INPP4B: variants seen among roughly 807,000 people sequenced by gnomAD.
INPP4B encodes inositol polyphosphate 4-phosphatase type II.
In INPP4B, 55 loss-of-function variants were observed where a neutral mutation model predicts 122.5. The observed-to-expected ratio is 0.45, with a 90% CI of 0.36 to 0.56. INPP4B has a LOEUF of 0.56. INPP4B is among the 20% of genes least tolerant of loss of function. The probability of loss-of-function intolerance (pLI) is 0.00; values close to 1 mark genes in which losing one functional copy is unlikely to be tolerated. For missense variants in INPP4B, 1,000 were observed against 1,097.7 expected (o/e 0.91, Z 1.26); for synonymous variants, 403 against 388.7 (o/e 1.04, Z -0.43).
intron 7 of INPP4B, among the ~76,000 whole-genome samples, chr4:142,345,446 T>C (rs1779992922): frequency 6.6e-6 from 1 of 152,050 alleles, no homozygotes; most frequent in East Asian, 1.9e-4. Context: ...AAGAAATGTG[T>C]ATACCATGCA....
At chr4:142,144,560 T>C (rs927199040) in intron 18 of INPP4B, among the ~76,000 whole-genome samples, 4 of 152,086 alleles carry the variant, frequency 2.6e-5, no homozygotes, top group Admixed American at 2.0e-4. Flanking sequence ...TTTTGATTCA[T>C]GTAAAGTTAT....
chr4:142,372,767 T>G (rs894936885), intron 7 of INPP4B, among the ~76,000 whole-genome samples: 4 of 152,010 alleles, frequency 2.6e-5, no homozygotes, highest in Non-Finnish European at 4.4e-5. Context: ...TCCATTTCCA[T>G]CATCAGCTGA....
At chr4:142,305,377 G>T in intron 9 of INPP4B, 81 bp downstream of exon 9, 3 of 1,051,718 alleles carry the variant, frequency 2.9e-6, no homozygotes, top group Non-Finnish European at 4.3e-6. Flanking sequence ...TGCAAGAATT[G>T]TGACTTTCAA....
intron 8 of INPP4B, among the ~76,000 whole-genome samples, chr4:142,312,783 A>T (rs1335422485): frequency 6.6e-6 from 1 of 152,150 alleles, no homozygotes; most frequent in Non-Finnish European, 1.5e-5. Context: ...CAATTATGCT[A>T]TGGAGAGAAC....
chr4:142,062,680 G>A (rs1761615333), intron 25 of INPP4B, among the ~76,000 whole-genome samples: 1 of 152,092 alleles, frequency 6.6e-6, no homozygotes, highest in Non-Finnish European at 1.5e-5. Flanking sequence ...AGGTTGCAGT[G>A]AGCCAAGATG....
chr4:142,306,454 G>A (rs1425315684), intron 8 of INPP4B, among the ~76,000 whole-genome samples: 2 of 152,092 alleles, frequency 1.3e-5, no homozygotes, highest in South Asian at 4.1e-4. Flanking sequence ...ATAAGTCAAT[G>A]CTACTTCTTC....
chr4:142,692,336 T>C (rs756963971), intron 2 of INPP4B, among the ~76,000 whole-genome samples: 8 of 152,212 alleles, frequency 5.3e-5, no homozygotes, highest in Non-Finnish European at 1.2e-4. Flanking sequence ...ATCCTTTCAA[T>C]GTTTAATAAT....
chr4:142,495,142 CAT>C (rs1465073541), intron 2 of INPP4B, among the ~76,000 whole-genome samples: 1 of 152,034 alleles, frequency 6.6e-6, no homozygotes, highest in East Asian at 1.9e-4. Context: ...TTAATTAATA[CAT>C]ATGTTAGTTA....
intron 25 of INPP4B, among the ~76,000 whole-genome samples, chr4:142,066,354 TA>T (rs979786470): frequency 6.6e-6 from 1 of 152,156 alleles, no homozygotes; most frequent in African/African-American, 2.4e-5. Flanking sequence ...AAAAAGATGT[TA>T]AAAATGTAAC....
intron 2 of INPP4B, among the ~76,000 whole-genome samples, chr4:142,630,741 A>G (rs890332359): frequency 2.6e-5 from 4 of 152,140 alleles, no homozygotes; most frequent in Non-Finnish European, 4.4e-5. Context: ...AGCAATTTAT[A>G]TAGCCTCACA....
intron 2 of INPP4B, among the ~76,000 whole-genome samples, chr4:142,588,707 A>G (rs1288295338): frequency 6.6e-6 from 1 of 151,740 alleles, no homozygotes; most frequent in East Asian, 1.9e-4. Context: ...TAAATAAATG[A>G]AAAGATATCC....
chr4:142,207,304 G>A (rs563542303), intron 14 of INPP4B, among the ~76,000 whole-genome samples: 8 of 152,210 alleles, frequency 5.3e-5, no homozygotes, highest in Middle Eastern at 6.8e-3. Flanking sequence ...ATAAACACCC[G>A]GATGTGTGAA....
In INPP4B at chr4:142,507,173, G is replaced by A. The variant is rs570365904; in HGVS notation, c.-190-44447C>T. Among the ~76,000 whole-genome samples, 10 of 152,196 alleles carry A rather than the reference G, an allele frequency of 6.6e-5. No individual in the cohort carries two copies. In the East Asian group the frequency reaches 1.7e-3, roughly 26 times the overall value. On this transcript the variant is annotated intron_variant, in intron 2 of 25. Transcript: ENST00000262992. The stretch of plus-strand genomic sequence containing the variant: ...ATTGATCATACAGTATTATAGCCAC[G>A]AGGATAGTCAGACTCCTCTGAAACA...
intron 10 of INPP4B, among the ~76,000 whole-genome samples, chr4:142,261,065 G>A (rs574143452): frequency 6.6e-6 from 1 of 152,290 alleles, no homozygotes; most frequent in South Asian, 2.1e-4. Flanking sequence ...AAAGTATGAG[G>A]ATCATTTATA....
chr4:142,471,765 G>A (rs528167994), intron 2 of INPP4B, among the ~76,000 whole-genome samples: 3 of 136,334 alleles, frequency 2.2e-5, no homozygotes, highest in Non-Finnish European at 3.3e-5. Flanking sequence ...CTGAGCACCC[G>A]CAATCCAAGC....
At chr4:142,170,933 T>C (rs1293286313) in intron 16 of INPP4B, among the ~76,000 whole-genome samples, 1 of 151,812 alleles carries the variant, frequency 6.6e-6, no homozygotes, top group Non-Finnish European at 1.5e-5. Context: ...GCTCTATCCA[T>C]GTGCCTTGGT....
At chr4:142,243,024 C>G (rs1449348443) in intron 11 of INPP4B, among the ~76,000 whole-genome samples, 1 of 152,134 alleles carries the variant, frequency 6.6e-6, no homozygotes, top group Non-Finnish European at 1.5e-5. Flanking sequence ...TCATTACTCT[C>G]CCCATGAAGA....
intron 17 of INPP4B, among the ~76,000 whole-genome samples, chr4:142,155,850 T>C (rs966217844): frequency 1.3e-5 from 2 of 151,668 alleles, no homozygotes; most frequent in African/African-American, 4.8e-5. Context: ...TTTTAGGTTA[T>C]CTATGGAGTC....
intron 1 of INPP4B, among the ~76,000 whole-genome samples, chr4:142,810,224 T>C (rs1300337646): frequency 1.3e-5 from 2 of 151,796 alleles, no homozygotes; most frequent in Admixed American, 1.3e-4. Flanking sequence ...TTAATGCCAC[T>C]GGATTATACA....
Sources: gnomAD v4.1 joint callset for allele counts (sites outside exome capture counted in the v4.1 genomes callset) on GRCh38, gnomAD v4.1.1 for gene constraint, MANE v1.5 for transcripts, NCBI Gene and HGNC (gene_info 2026-07-23, HGNC 2026-07-21) for gene names.